SIK3: variants seen among roughly 807,000 people sequenced by gnomAD.
SIK3 encodes serine/threonine-protein kinase SIK3.
A neutral mutation model predicts 144.2 loss-of-function variants in SIK3; 28 were observed. The observed-to-expected ratio is 0.19, with a 90% CI of 0.14 to 0.27. The LOEUF (loss-of-function observed/expected upper bound fraction) is 0.27. Ranked by LOEUF, SIK3 falls within the 10% of genes least tolerant of loss-of-function variation. The pLI, the probability that SIK3 is intolerant of heterozygous loss-of-function variation, is 1.00. For missense variants in SIK3, 1,319 were observed against 1,776.0 expected, an observed-to-expected ratio of 0.74 and a Z score of 4.62; for synonymous variants, 686 against 676.3, an observed-to-expected ratio of 1.01 and a Z score of -0.22.
chr11:117,074,696 G>C (rs1954427714), intron 1 of SIK3, among the ~76,000 whole-genome samples: 1 of 152,130 alleles, frequency 6.6e-6, no homozygotes, highest in Non-Finnish European at 1.5e-5. Context: ...GCCCAGGCAG[G>C]AGGATTCCCT....
At chr11:117,037,456 A>G (rs1952557798) in intron 1 of SIK3, among the ~76,000 whole-genome samples, 1 of 152,238 alleles carries the variant, frequency 6.6e-6, no homozygotes, top group South Asian at 2.1e-4. Flanking sequence ...CATGACTCAG[A>G]GACAATTAGG....
intron 3 of SIK3, among the ~76,000 whole-genome samples, chr11:116,930,290 A>C (rs1947528592): frequency 6.6e-6 from 1 of 152,058 alleles, no homozygotes; most frequent in Non-Finnish European, 1.5e-5. Context: ...TTTCACTGTA[A>C]ACCTACGAGG....
chr11:116,974,319 G>C (rs1949872484), intron 1 of SIK3, among the ~76,000 whole-genome samples: 1 of 152,206 alleles, frequency 6.6e-6, no homozygotes, highest in Non-Finnish European at 1.5e-5. Flanking sequence ...CAAGTAACCA[G>C]ATCGCTTAAC....
chr11:116,984,975 C>T (rs758968429), intron 1 of SIK3, among the ~76,000 whole-genome samples: 3 of 152,200 alleles, frequency 2.0e-5, no homozygotes, highest in Non-Finnish European at 2.9e-5. Flanking sequence ...TTCTTCATAG[C>T]GAAACTTCAA....
At chr11:116,918,145 C>T (rs1946767937) in intron 4 of SIK3, among the ~76,000 whole-genome samples, 1 of 152,166 alleles carries the variant, frequency 6.6e-6, no homozygotes, top group Non-Finnish European at 1.5e-5. Context: ...TACATGTATA[C>T]ACTGAGGAAT....
At chr11:116,966,712 A>C (rs923458252) in intron 1 of SIK3, among the ~76,000 whole-genome samples, 1 of 152,096 alleles carries the variant, frequency 6.6e-6, no homozygotes, top group African/African-American at 2.4e-5. Context: ...AAAATGTCAA[A>C]GTTATGGTGG....
intron 1 of SIK3, among the ~76,000 whole-genome samples, chr11:117,042,347 C>CA (rs1952782502): frequency 6.6e-6 from 1 of 152,176 alleles, no homozygotes; most frequent in Admixed American, 6.5e-5. Context: ...CTAGTAAACG[C>CA]AATTCGCAGG....
chr11:116,879,880 T>C (rs1457055198), intron 6 of SIK3, among the ~76,000 whole-genome samples: 4 of 152,086 alleles, frequency 2.6e-5, no homozygotes, highest in Admixed American at 2.6e-4. Context: ...CCTGTATAGA[T>C]TATAAATGTC....
At chr11:116,894,366 C>T (rs574423438) in intron 6 of SIK3, among the ~76,000 whole-genome samples, 61 of 152,290 alleles carry the variant, frequency 4.0e-4, no homozygotes, top group South Asian at 1.2e-3. Context: ...CTCCTAAATG[C>T]GACTGCCAAT....
At chr11:116,986,743 G>A (rs549396653) in intron 1 of SIK3, among the ~76,000 whole-genome samples, 1 of 152,284 alleles carries the variant, frequency 6.6e-6, no homozygotes, top group African/African-American at 2.4e-5. Flanking sequence ...CATTACAGAA[G>A]ACTGACTGAT....
At chr11:117,070,102 T>A (rs921920778) in intron 1 of SIK3, among the ~76,000 whole-genome samples, 32 of 152,154 alleles carry the variant, frequency 2.1e-4, no homozygotes, top group African/African-American at 7.5e-4. Flanking sequence ...ATGAAATGCA[T>A]CCCTCATTAT....
chr11:116,966,765 C>T lies in SIK3; in HGVS notation c.274-9701G>A, dbSNP rs144305743. On this transcript the variant is annotated intron_variant, in intron 1 of 24. Transcript: ENST00000445177. ...AATGAAATTTTGCACTTTGGGAGGC[C>T]GAGGTGGGCGGACTGCCTGGGGTCA... 8.8e-3 allele frequency among the ~76,000 whole-genome samples: 1,331 copies of T among 151,374 alleles called. 8 individuals are homozygous for T. The highest frequency in any genetic ancestry group is 0.013 in the Non-Finnish European group (912 of 67,816).
At chr11:116,936,960 C>T (rs1947952054) in intron 3 of SIK3, among the ~76,000 whole-genome samples, 1 of 152,190 alleles carries the variant, frequency 6.6e-6, no homozygotes, top group Non-Finnish European at 1.5e-5. Flanking sequence ...CTTTAAAGTC[C>T]AGCTTAAAGG....
At chr11:117,073,114 T>C (rs1482881294) in intron 1 of SIK3, among the ~76,000 whole-genome samples, 1 of 152,170 alleles carries the variant, frequency 6.6e-6, no homozygotes, top group Non-Finnish European at 1.5e-5. Context: ...AATCTCAATA[T>C]AGAAGGACTT....
At chr11:116,915,160 G>GTGTGTGTGTGTGTGTGTGTGTGTGTGTA (rs76785763) in intron 4 of SIK3, among the ~76,000 whole-genome samples, 3 of 144,412 alleles carry the variant, frequency 2.1e-5, no homozygotes, top group African/African-American at 7.9e-5. Context: ...GTGTGTGTGT[G>GTGTGTGTGTGTGTGTGTGTGTGTGTGTA]TATGTGTATT....
At chr11:116,948,261 A>G (rs1948771761) in intron 3 of SIK3, among the ~76,000 whole-genome samples, 1 of 151,638 alleles carries the variant, frequency 6.6e-6, no homozygotes, top group South Asian at 2.1e-4. Flanking sequence ...ATAGTTGTTC[A>G]TAATATTCCT....
chr11:117,015,385 A>G (rs889635695), intron 1 of SIK3, among the ~76,000 whole-genome samples: 1 of 152,022 alleles, frequency 6.6e-6, no homozygotes, highest in African/African-American at 2.4e-5. Context: ...AGTACCTTAA[A>G]CTGCTATAAC....
intron 21 of SIK3, among the ~76,000 whole-genome samples, chr11:116,853,775 T>C (rs1942653378): frequency 6.6e-6 from 1 of 152,230 alleles, no homozygotes; most frequent in Non-Finnish European, 1.5e-5. Context: ...TCTCATGGTG[T>C]AGATTGGTTA....
chr11:117,011,448 A>C (rs1951250062), intron 1 of SIK3, among the ~76,000 whole-genome samples: 1 of 152,178 alleles, frequency 6.6e-6, no homozygotes, highest in African/African-American at 2.4e-5. Flanking sequence ...CAACAGTAAA[A>C]TTTCTGTCCA....
Sources: gnomAD v4.1 joint callset for allele counts (sites outside exome capture counted in the v4.1 genomes callset) on GRCh38, gnomAD v4.1.1 for gene constraint, MANE v1.5 for transcripts, NCBI Gene and HGNC (gene_info 2026-07-23, HGNC 2026-07-21) for gene names.